The following IRAK2 variants were observed in gnomAD, a reference collection of about 807,000 sequenced individuals.
The protein encoded by IRAK2 is interleukin 1 receptor associated kinase 2, also known as interleukin-1 receptor-associated kinase-like 2.
Under a neutral mutation model 72.0 loss-of-function variants are expected in IRAK2, and 57 were observed. The ratio of observed to expected loss-of-function variants is 0.79; its 90% confidence interval spans 0.64 to 0.99. The LOEUF (loss-of-function observed/expected upper bound fraction) is 0.99. Among genes scored for constraint, IRAK2 ranks in the 50% least tolerant of loss-of-function variants. The pLI is 0.00. For missense variants in IRAK2, 790 were observed against 794.4 expected (o/e 0.99, Z 0.07); for synonymous variants, 293 against 312.7 (o/e 0.94, Z 0.67).
chr3:10,226,348 A>G, intron 9 of IRAK2, 23 bp from the exon 10 acceptor site: 1 of 1,606,776 alleles, frequency 6.2e-7, no homozygotes, highest in Non-Finnish European at 8.5e-7. Flanking sequence ...GAACCATGCT[A>G]ACTCACGTTC....
intron 1 of IRAK2, among the ~76,000 whole-genome samples, chr3:10,171,926 C>G (rs1026250545): frequency 6.6e-6 from 1 of 151,738 alleles, no homozygotes; most frequent in Non-Finnish European, 1.5e-5. Flanking sequence ...CCACCACACT[C>G]TGCTAGTTTT....
chr3:10,185,298 A>C (rs776804), intron 2 of IRAK2, among the ~76,000 whole-genome samples: 70,102 of 148,556 alleles, frequency 0.47, 18,824 homozygotes, highest in African/African-American at 0.7. Context: ...TGGCTCATGC[A>C]TGTAATCCCA....
At chr3:10,199,839 G>T (rs557631440) in intron 2 of IRAK2, among the ~76,000 whole-genome samples, 1 of 151,638 alleles carries the variant, frequency 6.6e-6, no homozygotes. Flanking sequence ...GACTTAGCAC[G>T]TCAGAGCTCC....
intron 8 of IRAK2, 102 bp from the exon 9 acceptor site, chr3:10,222,534 C>A: frequency 1.1e-6 from 1 of 893,386 alleles, no homozygotes; most frequent in Non-Finnish European, 1.8e-6. Flanking sequence ...CCTCAACTTG[C>A]AGGAGGTGAG....
chr3:10,188,011 C>T (rs1474925857), intron 2 of IRAK2, among the ~76,000 whole-genome samples: 1 of 152,162 alleles, frequency 6.6e-6, no homozygotes, highest in Non-Finnish European at 1.5e-5. Context: ...TAGGAGGGGA[C>T]TGTGGGCCGG....
Position 10,200,241 on chromosome 3 carries a change from C to T in IRAK2, c.278-128C>T, listed in dbSNP as rs539324178. On this transcript the variant is annotated intron_variant, in intron 2 of 12. Transcript: ENST00000256458. ...GGCCAGAAAGGGAAAGACCCTCCCGCCCTGCAACACCATGCATTTGTGGCA... is the reference window on the plus strand; with the variant it reads ...GGCCAGAAAGGGAAAGACCCTCCCGTCCTGCAACACCATGCATTTGTGGCA... The T allele has an allele frequency of 1.5e-5, 12 of 786,634 alleles. No individual in the cohort carries two copies. The South Asian group carries it at 1.7e-4, about 11-fold the overall frequency. The allele number at this position is 786,634 out of a possible 1,614,324, so 48.7% of individuals were successfully genotyped here.
At position 10,242,321 on chromosome 3, in the gene IRAK2, G is replaced by C; in HGVS notation, c.*93G>C. ...CTGAGGCAGAATCCAAGATCTGCCAGGAAACACACAACAAAACATCTGCTG... is the reference window on the plus strand; with the variant it reads ...CTGAGGCAGAATCCAAGATCTGCCACGAAACACACAACAAAACATCTGCTG... On this transcript the variant is annotated 3_prime_UTR_variant, in exon 13 of 13. Coordinates refer to ENST00000256458, the MANE Select transcript of IRAK2 (RefSeq NM_001570.4). The C allele has an allele frequency of 1.5e-6, 1 of 679,332 alleles. No homozygotes were observed. Among genetic ancestry groups the C allele is most frequent in the Non-Finnish European group, 2.5e-6 (1 of 395,790 alleles). The allele number at this position is 679,332 out of a possible 1,614,324, so 42.1% of individuals were successfully genotyped here. A position where few individuals can be genotyped will look rare whatever the true frequency, so the allele number is the denominator to read the frequency against.
At chr3:10,203,245 C>T (rs934922466) in intron 3 of IRAK2, among the ~76,000 whole-genome samples, 4 of 152,160 alleles carry the variant, frequency 2.6e-5, no homozygotes, top group Admixed American at 6.5e-5. Flanking sequence ...AATCCACCTG[C>T]CTTGGCCTCC....
At chr3:10,229,397 G>T (rs1697826412) in intron 10 of IRAK2, among the ~76,000 whole-genome samples, 8 of 152,156 alleles carry the variant, frequency 5.3e-5, no homozygotes, top group Admixed American at 5.2e-4. Context: ...TTACAGGTGT[G>T]AGCCATGGCG....
intron 11 of IRAK2, among the ~76,000 whole-genome samples, chr3:10,237,958 TGTGTGTGTGA>T (rs1009856956): frequency 6.6e-6 from 1 of 151,354 alleles, no homozygotes; most frequent in African/African-American, 2.4e-5. Context: ...TGTGTGTGTG[TGTGTGTGTGA>T]AGAAGAAACA....
rs1483095071 is a variant in IRAK2, at chr3:10,236,436, T to C, written c.1473+1777T>C. ...AATCTCGGCTCACTGCAACCTCCAC[T>C]TTCCAGGTTCAAGCAATTCTCCTGC... is the stretch of plus-strand genomic sequence containing the variant. On this transcript the variant is annotated intron_variant, in intron 11 of 12. Transcript: ENST00000256458. Among the ~76,000 whole-genome samples the C allele has an allele frequency of 8.2e-5, 12 of 146,456 alleles. 1 individual carries two copies.
chr3:10,242,233 C>T lies in IRAK2; in HGVS notation c.*5C>T, dbSNP rs372493781. ...ATTGAGCTCTTTGGCCCCTGATGAC[C>T]GGAACACAGCTGAGGACCCTTGTCC... On this transcript the variant is annotated 3_prime_UTR_variant, in exon 13 of 13. Transcript: ENST00000256458. 66 of 1,540,980 alleles carry T rather than the reference C, an allele frequency of 4.3e-5. No individual in the cohort carries two copies. The highest frequency in any genetic ancestry group is 8.2e-5 in the African/African-American group (6 of 73,322).
intron 3 of IRAK2, among the ~76,000 whole-genome samples, chr3:10,205,967 C>T (rs909320974): frequency 2.6e-5 from 4 of 151,914 alleles, no homozygotes; most frequent in African/African-American, 9.7e-5. Context: ...TTCTGCAGGA[C>T]GGGGGCCCTG....
Position 10,243,640 on chromosome 3 carries a change from T to C in IRAK2, c.*1412T>C, listed in dbSNP as rs938221331. On this transcript the variant is annotated 3_prime_UTR_variant, in exon 13 of 13. Coordinates refer to ENST00000256458, the MANE Select transcript of IRAK2 (RefSeq NM_001570.4). ...TATCTGAAAAGTCATGTTGCAAATCTTTCTGTGAAACAGATGCTATTTTAA... is the reference window on the plus strand; with the variant it reads ...TATCTGAAAAGTCATGTTGCAAATCCTTCTGTGAAACAGATGCTATTTTAA... 5.2e-5 allele frequency: 8 copies of C among 152,694 alleles called. No homozygotes were observed. The highest frequency in any genetic ancestry group is 1.7e-4 in the African/African-American group (7 of 41,474). The allele number at this position is 152,694 out of a possible 1,614,324, so 9.5% of individuals were successfully genotyped here.
chr3:10,181,970 CT>C (rs376518112), intron 2 of IRAK2, among the ~76,000 whole-genome samples: 41,452 of 131,146 alleles, frequency 0.32, 5,391 homozygotes, highest in Non-Finnish European at 0.35. Flanking sequence ...TTTTTCTTTT[CT>C]TTTTTTTTTT....
Position 10,226,289 on chromosome 3 carries a change from C to G in IRAK2, c.1210-82C>G, listed in dbSNP as rs1028805923. ...GCAGAGCTGCACCTGGAGCTCAGAACTGAGAAGAGAAGACAGAATCTGCTG... is the reference window on the plus strand; with the variant it reads ...GCAGAGCTGCACCTGGAGCTCAGAAGTGAGAAGAGAAGACAGAATCTGCTG... On this transcript the variant is annotated intron_variant, in intron 9 of 12. Coordinates refer to ENST00000256458, the MANE Select transcript of IRAK2 (RefSeq NM_001570.4). 3.9e-5 allele frequency: 46 copies of G among 1,178,230 alleles called. 1 individual carries two copies. The African/African-American group carries it at 5.4e-4, about 14-fold the overall frequency. The allele number at this position is 1,178,230 out of a possible 1,614,324, so 73.0% of individuals were successfully genotyped here.
At chr3:10,196,384 G>C (rs1237078306) in intron 2 of IRAK2, among the ~76,000 whole-genome samples, 2 of 152,208 alleles carry the variant, frequency 1.3e-5, no homozygotes, top group Non-Finnish European at 1.5e-5. Flanking sequence ...CAAAGTGCTG[G>C]GATTATAGGT....
chr3:10,200,776 T>C (rs576312821), intron 3 of IRAK2, among the ~76,000 whole-genome samples: 35 of 152,250 alleles, frequency 2.3e-4, no homozygotes, highest in African/African-American at 7.7e-4. Context: ...GGCATGCACC[T>C]GGTAGTCCCA....
chr3:10,219,635 A>C, intron 7 of IRAK2, 45 bp from the exon 8 acceptor site: 1 of 1,474,080 alleles, frequency 6.8e-7, no homozygotes, highest in Non-Finnish European at 9.5e-7. Context: ...GGACTTTAAA[A>C]AGGTACATTG....
Sources: gnomAD v4.1 joint callset for allele counts (sites outside exome capture counted in the v4.1 genomes callset) on GRCh38, gnomAD v4.1.1 for gene constraint, MANE v1.5 for transcripts, NCBI Gene and HGNC (gene_info 2026-07-23, HGNC 2026-07-21) for gene names.